The following WDR25 variants were observed in gnomAD, a reference collection of about 807,000 sequenced individuals.
WDR25 encodes WD repeat-containing protein 25.
A neutral mutation model predicts 47.7 loss-of-function variants in WDR25; 35 were observed. The ratio of observed to expected loss-of-function variants is 0.73; its 90% CI spans 0.56 to 0.97. WDR25 has a LOEUF of 0.97. WDR25 is among the 50% of genes least tolerant of loss of function. The probability of loss-of-function intolerance (pLI) is 0.00; values close to 1 mark genes in which losing one functional copy is unlikely to be tolerated. For missense variants in WDR25, 634 were observed against 704.7 expected (o/e 0.90, Z 1.14); for synonymous variants, 248 against 278.9 (o/e 0.89, Z 1.10).
At chr14:100,452,558 G>A (rs1000799007) in intron 2 of WDR25, among the ~76,000 whole-genome samples, 3 of 152,178 alleles carry the variant, frequency 2.0e-5, no homozygotes, top group African/African-American at 7.2e-5. Context: ...CTGGACAGAG[G>A]AGTAGCAGGT....
chr14:100,436,221 T>C (rs2140239322), intron 2 of WDR25, among the ~76,000 whole-genome samples: 1 of 152,158 alleles, frequency 6.6e-6, no homozygotes, highest in South Asian at 2.1e-4. Flanking sequence ...TATGAGTGCT[T>C]TGAGTTTCAG....
intron 2 of WDR25, among the ~76,000 whole-genome samples, chr14:100,413,945 T>A (rs1480149026): frequency 1.3e-5 from 2 of 152,230 alleles, no homozygotes. Flanking sequence ...TTATCCATTC[T>A]TCTGTTGATG....
intron 2 of WDR25, among the ~76,000 whole-genome samples, chr14:100,393,619 G>A (rs930199849): frequency 1.3e-5 from 2 of 152,194 alleles, no homozygotes; most frequent in African/African-American, 2.4e-5. Context: ...GGGGGAAGAG[G>A]TCAGCACATG....
rs953557838 is a variant in WDR25 at position 100,529,945 on chromosome 14, GCA to G, written c.1546_1547del (p.Gln516GlyfsTer69). 2 of 1,613,562 alleles carry G rather than the reference GCA, an allele frequency of 1.2e-6. No individual in the cohort carries two copies. Among genetic ancestry groups the G allele is most frequent in the Non-Finnish European group, 1.7e-6 (2 of 1,180,028 alleles). On this transcript the variant is annotated frameshift_variant, in exon 7 of 7. Transcript: ENST00000402312. LOFTEE classifies it high-confidence loss of function. This position sits in a 1 kb window ranked among gnomAD's most constrained non-coding sequence, Gnocchi z 5.1. ...CCAGCCGAGCATGCACACTGCAGGG[GCA>G]CACACAGGCCTGTGTCGGCACCACC... ...TASRACTLQG[H>X]TQACVGTTYH...
chr14:100,400,653 A>G lies in WDR25; in HGVS notation c.822+18907A>G, dbSNP rs186771200. Among the ~76,000 whole-genome samples the G allele has an allele frequency of 4.0e-3, 609 of 152,356 alleles. 4 individuals are homozygous for G. The highest frequency in any genetic ancestry group is 0.026 in the South Asian group (125 of 4,834). ...TGAAAATGCAAAAACATTTTCATTA[A>G]TACAGGGCATGATAAAAAGCAAAAG... On this transcript the variant is annotated intron_variant, in intron 2 of 6. Transcript: ENST00000402312.
chr14:100,406,153 A>G (rs529176045), intron 2 of WDR25, among the ~76,000 whole-genome samples: 60 of 152,256 alleles, frequency 3.9e-4, no homozygotes, highest in African/African-American at 1.4e-3. Context: ...AGGATGGAGA[A>G]GGGAGGGTTA....
At chr14:100,467,978 G>T in intron 2 of WDR25, 43 bp from the exon 3 acceptor site, 1 of 1,609,978 alleles carries the variant, frequency 6.2e-7, no homozygotes. Flanking sequence ...CTGGAGATCA[G>T]GCCCTTGTTG....
At chr14:100,423,372 G>A (rs1898080065) in intron 2 of WDR25, among the ~76,000 whole-genome samples, 1 of 152,138 alleles carries the variant, frequency 6.6e-6, no homozygotes, top group South Asian at 2.1e-4. Context: ...CTGGACCCAC[G>A]GGCTGGCTGT....
intron 5 of WDR25, among the ~76,000 whole-genome samples, chr14:100,527,181 A>G (rs569245452): frequency 4.9e-4 from 73 of 150,176 alleles, no homozygotes; most frequent in African/African-American, 1.7e-3. Flanking sequence ...CACTATCTCT[A>G]TCACCACCAC....
chr14:100,438,145 A>AT (rs1367634169), intron 2 of WDR25, among the ~76,000 whole-genome samples: 4 of 152,226 alleles, frequency 2.6e-5, no homozygotes, highest in Non-Finnish European at 4.4e-5. Context: ...CTGGTGTCTA[A>AT]TTTCCAAGTC....
intron 4 of WDR25, among the ~76,000 whole-genome samples, chr14:100,489,165 C>T (rs1290300729): frequency 6.6e-6 from 1 of 152,182 alleles, no homozygotes; most frequent in East Asian, 1.9e-4. Context: ...CTTGGGAGAC[C>T]CTGTGTCAGA....
intron 4 of WDR25, among the ~76,000 whole-genome samples, chr14:100,495,747 G>A (rs1305773180): frequency 1.3e-5 from 2 of 152,174 alleles, no homozygotes; most frequent in Non-Finnish European, 2.9e-5. Flanking sequence ...TTACTTGCTA[G>A]GACAGAGTTT....
chr14:100,478,730 T>C (rs1900101660), intron 3 of WDR25, among the ~76,000 whole-genome samples: 1 of 152,248 alleles, frequency 6.6e-6, no homozygotes, highest in Non-Finnish European at 1.5e-5. Flanking sequence ...GATTTTTTGT[T>C]TGTTTGTTTT....
chr14:100,399,327 A>AT (rs35038422), intron 2 of WDR25, among the ~76,000 whole-genome samples: 2 of 152,106 alleles, frequency 1.3e-5, no homozygotes, highest in Non-Finnish European at 2.9e-5. Flanking sequence ...TCTGTAGGTG[A>AT]TTTTTCCGAC....
At chr14:100,456,037 G>A (rs767048142) in intron 2 of WDR25, among the ~76,000 whole-genome samples, 1 of 152,162 alleles carries the variant, frequency 6.6e-6, no homozygotes, top group Non-Finnish European at 1.5e-5. Flanking sequence ...CTAGGAACAT[G>A]TCAACTCATG....
chr14:100,459,939 TACAC>T (rs143430873), intron 2 of WDR25, among the ~76,000 whole-genome samples: 525 of 84,634 alleles, frequency 6.2e-3, no homozygotes, highest in African/African-American at 0.014. Context: ...TATATATATA[TACAC>T]ATACACATAC....
At chr14:100,487,138 C>G (rs1167601780) in intron 4 of WDR25, among the ~76,000 whole-genome samples, 3 of 152,158 alleles carry the variant, frequency 2.0e-5, no homozygotes, top group African/African-American at 7.2e-5. Flanking sequence ...ATTCCTTTGA[C>G]TCAGGGTGTT....
intron 2 of WDR25, among the ~76,000 whole-genome samples, chr14:100,458,223 AG>A (rs1042875070): frequency 6.6e-6 from 1 of 152,204 alleles, no homozygotes; most frequent in African/African-American, 2.4e-5. Flanking sequence ...TAGTAATAAA[AG>A]AAAGCTGGAG....
At chr14:100,526,704 A>G (rs2030160602) in intron 5 of WDR25, among the ~76,000 whole-genome samples, 1 of 151,626 alleles carries the variant, frequency 6.6e-6, no homozygotes, top group African/African-American at 2.4e-5. Flanking sequence ...CATCGTCACC[A>G]TCAGTACCAC....
Sources: allele counts gnomAD v4.1 joint callset (sites outside exome capture counted in the v4.1 genomes callset), GRCh38; gene constraint gnomAD v4.1.1; non-coding constraint Gnocchi (gnomAD v3.1); transcripts MANE v1.5; gene names NCBI Gene and HGNC (gene_info 2026-07-23, HGNC 2026-07-21).